The following ATP2B2 variants were observed in gnomAD, a reference collection of about 807,000 sequenced individuals.
The protein encoded by ATP2B2 is plasma membrane calcium-transporting ATPase 2.
In ATP2B2, 15 loss-of-function variants were observed where a neutral mutation model predicts 120.0. The observed-to-expected ratio is 0.12, with a 90% CI of 0.08 to 0.19. The LOEUF (loss-of-function observed/expected upper bound fraction) is 0.19, where lower values mean the gene tolerates loss of function less well. Ranked by LOEUF, ATP2B2 falls within the 10% of genes least tolerant of loss-of-function variation. The probability of loss-of-function intolerance (pLI) is 1.00; values close to 1 mark genes in which losing one functional copy is unlikely to be tolerated. For missense variants in ATP2B2, 1,045 were observed against 1,719.8 expected (o/e 0.61, Z 6.94); for synonymous variants, 694 against 700.3 (o/e 0.99, Z 0.14).
intron 12 of ATP2B2, among the ~76,000 whole-genome samples, chr3:10,365,132 C>T (rs988364662): frequency 2.6e-5 from 4 of 152,204 alleles, no homozygotes; most frequent in African/African-American, 4.8e-5. Flanking sequence ...GGCTAGGAGC[C>T]GAAGCAGGGG....
At chr3:10,632,813 G>A (rs1475271134) in intron 1 of ATP2B2, among the ~76,000 whole-genome samples, 1 of 152,240 alleles carries the variant, frequency 6.6e-6, no homozygotes, top group Non-Finnish European at 1.5e-5. Flanking sequence ...ATGTTACTGG[G>A]CCTCTTTGTG....
At chr3:10,390,643 A>G (rs1009016809) in intron 5 of ATP2B2, among the ~76,000 whole-genome samples, 4 of 152,184 alleles carry the variant, frequency 2.6e-5, no homozygotes, top group Non-Finnish European at 5.9e-5. Flanking sequence ...CTCTCCCTGC[A>G]CAGATGCAGA....
intron 3 of ATP2B2, among the ~76,000 whole-genome samples, chr3:10,405,467 A>G (rs577359636): frequency 1.3e-5 from 2 of 152,248 alleles, no homozygotes; most frequent in African/African-American, 4.8e-5. Flanking sequence ...GGATTCGGCC[A>G]CCTGGAAGCT....
At chr3:10,475,282 T>C (rs376821715) in intron 1 of ATP2B2, among the ~76,000 whole-genome samples, 1 of 152,220 alleles carries the variant, frequency 6.6e-6, no homozygotes, top group East Asian at 1.9e-4. Context: ...GGAAATCAAG[T>C]AGCACATGGG....
At chr3:10,675,402 C>T (rs748888276) in intron 1 of ATP2B2, among the ~76,000 whole-genome samples, 12 of 152,156 alleles carry the variant, frequency 7.9e-5, no homozygotes, top group African/African-American at 2.4e-4. Flanking sequence ...GCTTCAACCA[C>T]GTAGCTATGT....
At chr3:10,462,788 A>T (rs1019668311) in intron 1 of ATP2B2, among the ~76,000 whole-genome samples, 1 of 152,070 alleles carries the variant, frequency 6.6e-6, no homozygotes, top group Non-Finnish European at 1.5e-5. Flanking sequence ...ACCAGTGCCT[A>T]TTTAAGAAAA....
chr3:10,703,908 G>C (rs191781034), intron 1 of ATP2B2, among the ~76,000 whole-genome samples: 104 of 152,266 alleles, frequency 6.8e-4, no homozygotes, highest in African/African-American at 2.5e-3. Context: ...CTAGTCACCC[G>C]GGGGCAGGTA....
chr3:10,690,918 T>G (rs921477136), intron 1 of ATP2B2, among the ~76,000 whole-genome samples: 7 of 152,240 alleles, frequency 4.6e-5, no homozygotes, highest in African/African-American at 1.7e-4. Flanking sequence ...AGTAACCACT[T>G]TATTCGTCGA....
rs2075311 is a variant in ATP2B2, at chr3:10,378,888, G to A, written c.1042+355C>T. ...GAGCCAAGTCACTATCCCAGTTGGC[G>A]TGGCCTCTTCATGCAGGATGGACTG... On this transcript the variant is annotated intron_variant, in intron 9 of 22. Transcript: ENST00000360273. Among the ~76,000 whole-genome samples, 279 of 152,334 alleles carry A rather than the reference G, an allele frequency of 1.8e-3. 2 individuals carry two copies. In the East Asian group the frequency reaches 0.022, roughly 12 times the overall value.
chr3:10,388,134 C>T (rs545715398), intron 6 of ATP2B2, 143 bp downstream of exon 6: 1 of 1,257,282 alleles, frequency 8.0e-7, no homozygotes, highest in East Asian at 2.4e-5. Flanking sequence ...CCATGCAGGC[C>T]TTAAGGATGC....
At chr3:10,335,312 G>A (rs1157363114) in intron 22 of ATP2B2, among the ~76,000 whole-genome samples, 1 of 152,172 alleles carries the variant, frequency 6.6e-6, no homozygotes, top group Non-Finnish European at 1.5e-5. Context: ...TTCCAGGAAG[G>A]GCTTAGAACT....
intron 1 of ATP2B2, among the ~76,000 whole-genome samples, chr3:10,636,595 G>C (rs1300202809): frequency 6.6e-6 from 1 of 152,180 alleles, no homozygotes; most frequent in Non-Finnish European, 1.5e-5. Flanking sequence ...TGAAAAAAAT[G>C]AGCAAAATAT....
intron 1 of ATP2B2, among the ~76,000 whole-genome samples, chr3:10,468,651 TG>T (rs529702908): frequency 9.0e-4 from 137 of 152,344 alleles, no homozygotes; most frequent in African/African-American, 3.2e-3. Context: ...GAGGGGTCTG[TG>T]GCTCCAAGGG....
chr3:10,559,073 C>T (rs1175274901), intron 2 of ATP2B2, among the ~76,000 whole-genome samples: 2 of 152,266 alleles, frequency 1.3e-5, no homozygotes, highest in Non-Finnish European at 2.9e-5. Context: ...ACACTCTCTG[C>T]TGATCCAGGC....
rs553532029 is a variant in ATP2B2 at position 10,365,182 on chromosome 3, C to T, written c.1660-5059G>A. Among the ~76,000 whole-genome samples the T allele has an allele frequency of 1.5e-4, 23 of 152,396 alleles. No homozygotes were observed. In the East Asian group the frequency reaches 4.4e-3, roughly 29 times the overall value. On this transcript the variant is annotated intron_variant, in intron 12 of 22. Coordinates refer to ENST00000360273, the MANE Select transcript of ATP2B2 (RefSeq NM_001001331.4). ...CCCGCAGAGCACCTCTCCCAGAAGC[C>T]TGCCTCTCTCCCTGGCAGAGACCAC...
chr3:10,407,182 A>G (rs2062443238), intron 3 of ATP2B2, among the ~76,000 whole-genome samples: 1 of 151,950 alleles, frequency 6.6e-6, no homozygotes, highest in Admixed American at 6.6e-5. Context: ...CACCTGCCAG[A>G]TGGGGTGGGG....
At chr3:10,420,914 G>A (rs560419187) in intron 2 of ATP2B2, among the ~76,000 whole-genome samples, 6 of 152,220 alleles carry the variant, frequency 3.9e-5, no homozygotes, top group African/African-American at 1.4e-4. Context: ...ATTGGGCTGG[G>A]GCATGGCCCG....
intron 2 of ATP2B2, among the ~76,000 whole-genome samples, chr3:10,607,025 C>T (rs2069106644): frequency 6.6e-6 from 1 of 151,040 alleles, no homozygotes; most frequent in Admixed American, 6.6e-5. Flanking sequence ...AGAGACTGTT[C>T]CCATCAACCT....
chr3:10,394,905 C>T (rs1238556275), intron 5 of ATP2B2, among the ~76,000 whole-genome samples: 1 of 152,092 alleles, frequency 6.6e-6, no homozygotes, highest in East Asian at 1.9e-4. Flanking sequence ...ACATTGATGG[C>T]ATCTAGTCTA....
Sources: allele counts gnomAD v4.1 joint callset (sites outside exome capture counted in the v4.1 genomes callset), GRCh38; gene constraint gnomAD v4.1.1; transcripts MANE v1.5; gene names NCBI Gene and HGNC (gene_info 2026-07-23, HGNC 2026-07-21).